The following MTUS1 variants were observed in gnomAD, a reference collection of about 807,000 sequenced individuals.
The protein encoded by MTUS1 is microtubule-associated tumor suppressor 1.
In MTUS1, 109 loss-of-function variants were observed where a neutral mutation model predicts 120.8. That is an observed-to-expected ratio of 0.90 (90% confidence interval 0.77 to 1.06). The LOEUF (loss-of-function observed/expected upper bound fraction) is 1.06, where lower values mean the gene tolerates loss of function less well. Ranked by LOEUF, MTUS1 falls within the 50% of genes least tolerant of loss-of-function variation. The pLI is 0.00. For synonymous variants in MTUS1, 737 were observed against 550.5 expected, an observed-to-expected ratio of 1.34 and a Z score of -4.74; for missense variants, 2,210 against 1,486.3, an observed-to-expected ratio of 1.49 and a Z score of -8.01.
chr8:17,694,890 AC>A (rs1474239966), intron 6 of MTUS1, among the ~76,000 whole-genome samples: 1 of 152,094 alleles, frequency 6.6e-6, no homozygotes, highest in Non-Finnish European at 1.5e-5. Flanking sequence ...GCTAAGGGGA[AC>A]CTGGAAGTCA....
At chr8:17,660,347 T>A (rs71526148) in intron 8 of MTUS1, among the ~76,000 whole-genome samples, 9,667 of 152,236 alleles carry the variant, frequency 0.064, 439 homozygotes, top group Middle Eastern at 0.18. Flanking sequence ...CACTCCAGCC[T>A]GGGTGACAGA....
intron 5 of MTUS1, 135 bp from the exon 6 acceptor site, chr8:17,713,387 G>A (rs750019321): frequency 2.3e-5 from 14 of 604,942 alleles, no homozygotes; most frequent in East Asian, 1.2e-4. Context: ...AAATATCACC[G>A]AGATTCAACC....
intron 10 of MTUS1, chr8:17,654,296 A>ATT: frequency 2.1e-6 from 1 of 484,898 alleles, no homozygotes; most frequent in South Asian, 3.1e-5. Context: ...CTAAGCTGGC[A>ATT]ACCACCACCG....
At chr8:17,722,568 C>G in intron 4 of MTUS1, 1 of 985,326 alleles carries the variant, frequency 1.0e-6, no homozygotes, top group Non-Finnish European at 1.2e-6. Flanking sequence ...CAGCTACTTA[C>G]TCTCATATGA....
chr8:17,646,851 A>T lies in MTUS1; in HGVS notation c.3599+131T>A, dbSNP rs1440193699. The T allele has an allele frequency of 1.7e-4, 112 of 662,420 alleles. 5 individuals carry two copies. The South Asian group carries it at 1.8e-3, about 11-fold the overall frequency. 41.0% of individuals were successfully genotyped at this position (662,420 alleles called of 1,614,324 possible). A position where few individuals can be genotyped will look rare whatever the true frequency, so the allele number is the denominator to read the frequency against. On this transcript the variant is annotated intron_variant, in intron 14 of 14. Coordinates refer to ENST00000693296, the MANE Select transcript of MTUS1 (RefSeq NM_001363059.2). ...ACTACAATCATATTTTCCACAGAGA[A>T]ATCAATGCCCTTTTAACCATCTGCT...
chr8:17,765,353 G>A (rs2049394128), intron 1 of MTUS1, among the ~76,000 whole-genome samples: 1 of 152,136 alleles, frequency 6.6e-6, no homozygotes, highest in Non-Finnish European at 1.5e-5. Flanking sequence ...CATTGGCTGG[G>A]CATGGTGGCT....
In MTUS1 at chr8:17,767,728, AG is replaced by A. The variant is rs1356155764; in HGVS notation, c.-154-11768del. Among the ~76,000 whole-genome samples, 3 of 150,384 alleles carry A rather than the reference AG, an allele frequency of 2.0e-5. No individual in the cohort carries two copies. In the South Asian group the frequency reaches 6.3e-4, roughly 32 times the overall value. On this transcript the variant is annotated intron_variant, in intron 1 of 14. Transcript: ENST00000693296. ...AAAAAAAAAAAAAAAACGGTGTGAA[AG>A]AGACTGAAGTGCAGCAAGATGCTCC...
Position 17,753,762 on chromosome 8 carries a change from T to C in MTUS1, c.2046A>G (p.Lys682=). 3 of 1,612,772 alleles carry C rather than the reference T, an allele frequency of 1.9e-6. No homozygotes were observed. Among genetic ancestry groups the C allele is most frequent in the Non-Finnish European group, 2.5e-6 (3 of 1,179,708 alleles). Residue 682 remains lysine (K), a synonymous_variant, in exon 2 of 15, where the codon AAA becomes AAG. Coordinates refer to ENST00000693296, the MANE Select transcript of MTUS1 (RefSeq NM_001363059.2). ...CAAAAGTCTCATTCATAATCTCTTG[T>C]TTCAGCTCTTGTTTTTCCATAGATG... ...NGTSMEKQEL[K]QEIMNETFEY...
intron 3 of MTUS1, among the ~76,000 whole-genome samples, chr8:17,729,111 G>T (rs537087557): frequency 4.5e-4 from 69 of 152,192 alleles, no homozygotes; most frequent in Non-Finnish European, 9.3e-4. Flanking sequence ...GAATATGTCT[G>T]TAGCTATAAT....
intron 6 of MTUS1, among the ~76,000 whole-genome samples, chr8:17,687,183 C>T (rs553842031): frequency 1.9e-4 from 29 of 152,120 alleles, no homozygotes; most frequent in African/African-American, 4.8e-5. Context: ...CTGCCCTCTC[C>T]GTGGCGCTGG....
chr8:17,664,267 G>A (rs998333392), intron 8 of MTUS1, among the ~76,000 whole-genome samples: 2 of 152,122 alleles, frequency 1.3e-5, no homozygotes, highest in Non-Finnish European at 2.9e-5. Flanking sequence ...ATTTGGAGGA[G>A]ATTTTATGTA....
chr8:17,728,265 C>T (rs1486991969), intron 3 of MTUS1, among the ~76,000 whole-genome samples: 2 of 152,166 alleles, frequency 1.3e-5, no homozygotes, highest in African/African-American at 4.8e-5. Flanking sequence ...CCACACAACA[C>T]CACACCCGGC....
chr8:17,700,244 G>C (rs555209464), intron 6 of MTUS1, among the ~76,000 whole-genome samples: 1 of 151,834 alleles, frequency 6.6e-6, no homozygotes, highest in Non-Finnish European at 1.5e-5. Flanking sequence ...AAGGCAGGTG[G>C]GATCACCTGA....
At chr8:17,790,824 C>T (rs1218804854) in intron 1 of MTUS1, among the ~76,000 whole-genome samples, 1 of 151,890 alleles carries the variant, frequency 6.6e-6, no homozygotes, top group Non-Finnish European at 1.5e-5. Context: ...CCATCTCTAT[C>T]AAAAATACAA....
At chr8:17,687,621 A>T (rs940706009) in intron 6 of MTUS1, among the ~76,000 whole-genome samples, 1 of 152,222 alleles carries the variant, frequency 6.6e-6, no homozygotes, top group African/African-American at 2.4e-5. Context: ...ATTAAACGTC[A>T]ACTTCTATAT....
At chr8:17,756,906 A>G (rs909143232) in intron 1 of MTUS1, among the ~76,000 whole-genome samples, 1 of 152,142 alleles carries the variant, frequency 6.6e-6, no homozygotes, top group African/African-American at 2.4e-5. Flanking sequence ...AAGAACCTTA[A>G]TCTTCAACTT....
At chr8:17,707,596 T>G (rs1280075420) in intron 6 of MTUS1, among the ~76,000 whole-genome samples, 1 of 152,160 alleles carries the variant, frequency 6.6e-6, no homozygotes, top group Non-Finnish European at 1.5e-5. Context: ...ATTATTAGAT[T>G]ACATTCCTAA....
At chr8:17,657,058 C>CAAAAAAA (rs1219286349) in intron 8 of MTUS1, among the ~76,000 whole-genome samples, 358 of 54,910 alleles carry the variant, frequency 6.5e-3, no homozygotes, top group Middle Eastern at 0.011. Flanking sequence ...GATTCTGTCT[C>CAAAAAAA]AAAAAAAAAA....
intron 8 of MTUS1, among the ~76,000 whole-genome samples, chr8:17,657,058 CAAA>C (rs1219286349): frequency 1.8e-5 from 1 of 56,720 alleles, no homozygotes; most frequent in Non-Finnish European, 3.6e-5. Flanking sequence ...GATTCTGTCT[CAAA>C]AAAAAAAAAA....
Sources: gnomAD v4.1 joint callset for allele counts (sites outside exome capture counted in the v4.1 genomes callset) on GRCh38, gnomAD v4.1.1 for gene constraint, MANE v1.5 for transcripts, NCBI Gene and HGNC (gene_info 2026-07-23, HGNC 2026-07-21) for gene names.